The following COLGALT2 variants were observed in gnomAD, a reference collection of about 807,000 sequenced individuals.
The protein encoded by COLGALT2 is collagen beta(1-O)galactosyltransferase 2.
A neutral mutation model predicts 73.4 loss-of-function variants in COLGALT2; 49 were observed. The ratio of observed to expected loss-of-function variants is 0.67; its 90% CI spans 0.53 to 0.85. The LOEUF (loss-of-function observed/expected upper bound fraction) is 0.85. Ranked by LOEUF, COLGALT2 falls within the 40% of genes least tolerant of loss-of-function variation. The pLI, the probability that COLGALT2 is intolerant of heterozygous loss-of-function variation, is 0.00. For synonymous variants in COLGALT2, 295 were observed against 307.6 expected (o/e 0.96, Z 0.43); for missense variants, 722 against 790.2 (o/e 0.91, Z 1.03).
chr1:184,024,698 C>G (rs1350479578), intron 1 of COLGALT2, among the ~76,000 whole-genome samples: 1 of 146,190 alleles, frequency 6.8e-6, no homozygotes, highest in African/African-American at 2.5e-5. Context: ...AAATTAGGCT[C>G]CGTTCTCTAA....
chr1:183,930,027 T>TA (rs1669806162), exon 12 of COLGALT2: 1 of 309,516 alleles, frequency 3.2e-6, no homozygotes, highest in Non-Finnish European at 6.5e-6. Context: ...ATAAAGAGAG[T>TA]AAAGAGAACT....
At chr1:184,013,896 T>A (rs535724188) in intron 1 of COLGALT2, among the ~76,000 whole-genome samples, 69 of 152,172 alleles carry the variant, frequency 4.5e-4, no homozygotes, top group African/African-American at 1.6e-3. Flanking sequence ...ATTAATAACT[T>A]GATATGGATG....
At chr1:184,023,157 A>T (rs1277468056) in intron 1 of COLGALT2, among the ~76,000 whole-genome samples, 1 of 152,218 alleles carries the variant, frequency 6.6e-6, no homozygotes, top group African/African-American at 2.4e-5. Flanking sequence ...CTTGAAAAAG[A>T]AAGTTTTTGC....
chr1:183,971,572 G>A (rs1468901715), intron 4 of COLGALT2, among the ~76,000 whole-genome samples: 1 of 152,116 alleles, frequency 6.6e-6, no homozygotes, highest in East Asian at 1.9e-4. Flanking sequence ...CCAATATAAT[G>A]TTTTCTCCCA....
At chr1:184,035,036 G>C (rs899188303) in intron 1 of COLGALT2, among the ~76,000 whole-genome samples, 2 of 152,188 alleles carry the variant, frequency 1.3e-5, no homozygotes, top group Non-Finnish European at 2.9e-5. Context: ...TTCAATGACT[G>C]ACGCAAGCAT....
chr1:183,985,910 T>C (rs1269256389), intron 1 of COLGALT2, among the ~76,000 whole-genome samples: 2 of 152,224 alleles, frequency 1.3e-5, no homozygotes, highest in Admixed American at 1.3e-4. Flanking sequence ...CAGATGCTTC[T>C]TGTTTTCATT....
In COLGALT2 at chr1:183,975,174, A is replaced by C. The variant is rs926404987; in HGVS notation, c.415T>G (p.Ser139Ala). The change falls in exon 3 of 12, where the codon TCC becomes GCC. Residue 139 changes from serine (S) to alanine (A), a missense_variant. Coordinates refer to ENST00000361927, the MANE Select transcript of COLGALT2 (RefSeq NM_015101.4). ...AGTTTCATCACATGGGCAAACCGGG[A>C]GGTTGGCCAGTGCTTTGGTCCAATT... ...DEIGPKHWPT[S>A]RFAHVMKLRQ... 6.2e-7 allele frequency: 1 copy of C among 1,613,938 alleles called. No homozygotes were observed. The highest frequency in any genetic ancestry group is 1.3e-5 in the African/African-American group (1 of 74,914).
chr1:184,035,590 T>C (rs545397434), intron 1 of COLGALT2, among the ~76,000 whole-genome samples: 7 of 152,300 alleles, frequency 4.6e-5, no homozygotes, highest in Admixed American at 2.0e-4. Flanking sequence ...TGTCTCTAAA[T>C]CAGGTAGCAA....
At chr1:183,989,540 C>T (rs1671576545) in intron 1 of COLGALT2, among the ~76,000 whole-genome samples, 1 of 152,138 alleles carries the variant, frequency 6.6e-6, no homozygotes, top group Non-Finnish European at 1.5e-5. Flanking sequence ...AAAGTGGTCT[C>T]TTGGATTGAG....
intron 1 of COLGALT2, among the ~76,000 whole-genome samples, chr1:183,993,349 T>G (rs1671682592): frequency 6.6e-6 from 1 of 152,202 alleles, no homozygotes; most frequent in Non-Finnish European, 1.5e-5. Context: ...CCAGGAAATA[T>G]CTGGCCAGGA....
In COLGALT2 at chr1:183,935,998, C is replaced by CA. The variant is rs1558305205; in HGVS notation, c.*2762_*2763insT. 1.0e-6 allele frequency: 1 copy of CA among 985,256 alleles called. No individual in the cohort carries two copies. Among genetic ancestry groups the CA allele is most frequent in the Non-Finnish European group, 1.2e-6 (1 of 829,946 alleles). The allele number at this position is 985,256 out of a possible 1,614,324, so 61.0% of individuals were successfully genotyped here. A position where few individuals can be genotyped will look rare whatever the true frequency, so the allele number is the denominator to read the frequency against. On this transcript the variant is annotated 3_prime_UTR_variant, in exon 12 of 12. Transcript: ENST00000361927. The stretch of plus-strand genomic sequence containing the variant: ...GCAGCAGGCCTGAATGAACCGCAAG[C>CA]GGGGCCCATGCAGCGTGTCCTCTGC...
chr1:183,976,570 G>A (rs1671197231), intron 2 of COLGALT2, among the ~76,000 whole-genome samples: 1 of 151,840 alleles, frequency 6.6e-6, no homozygotes, highest in Non-Finnish European at 1.5e-5. Context: ...GTAGCTTTGG[G>A]AACATTTATA....
At position 183,939,043 on chromosome 1, in the gene COLGALT2, A is replaced by T. The variant is rs377593233; in HGVS notation, c.1605-6T>A. ...AATACTCCTTGTACTCGGCTCTGAAAACAAGAAGGTGGCCGGACACATGAG... is the reference window on the plus strand; with the variant it reads ...AATACTCCTTGTACTCGGCTCTGAATACAAGAAGGTGGCCGGACACATGAG... On this transcript the variant is annotated splice_region_variant and splice_polypyrimidine_tract_variant and intron_variant, in intron 11 of 11. Coordinates refer to ENST00000361927, the MANE Select transcript of COLGALT2 (RefSeq NM_015101.4). The T allele has an allele frequency of 3.7e-6, 6 of 1,605,866 alleles. No individual in the cohort carries two copies. In the African/African-American group the frequency reaches 5.4e-5, roughly 14 times the overall value.
At position 183,965,874 on chromosome 1, in the gene COLGALT2, T is replaced by C. The variant is rs750936499; in HGVS notation, c.833-1854A>G. 3.8e-4 allele frequency among the ~76,000 whole-genome samples: 58 copies of C among 152,188 alleles called. 1 individual carries two copies. The highest frequency in any genetic ancestry group is 7.6e-4 in the Non-Finnish European group (52 of 68,038). ...ATGATTACAACAAGAACACTGACCA[T>C]CAATCTGTTTGAAATTACAATGGGA... is the stretch of plus-strand genomic sequence containing the variant. On this transcript the variant is annotated intron_variant, in intron 5 of 11. Coordinates refer to ENST00000361927, the MANE Select transcript of COLGALT2 (RefSeq NM_015101.4).
chr1:183,930,310 G>T (rs1439415558), intron 11 of COLGALT2: 1 of 456,224 alleles, frequency 2.2e-6, no homozygotes, highest in Non-Finnish European at 4.4e-6. Flanking sequence ...CAGAGGAAGA[G>T]TTGAAGAAAG....
intron 1 of COLGALT2, among the ~76,000 whole-genome samples, chr1:183,994,093 C>T (rs1671706524): frequency 8.3e-6 from 1 of 120,510 alleles, no homozygotes; most frequent in African/African-American, 3.3e-5. Context: ...GGCTGGAGTG[C>T]AGTGGTGTGA....
rs958827489 is a variant in COLGALT2 at position 184,037,438 on chromosome 1, G to A, written c.-81C>T. 6.4e-6 allele frequency: 8 copies of A among 1,249,268 alleles called. No homozygotes were observed. Among genetic ancestry groups the A allele is most frequent in the Non-Finnish European group, 8.0e-6 (8 of 1,000,078 alleles). The allele number at this position is 1,249,268 out of a possible 1,614,324, so 77.4% of individuals were successfully genotyped here. A position where few individuals can be genotyped will look rare whatever the true frequency, so the allele number is the denominator to read the frequency against. On this transcript the variant is annotated 5_prime_UTR_variant, in exon 1 of 12. Transcript: ENST00000361927. ...GCCTGAGGGCGGCGGCGGCTGCCGG[G>A]GAGCAAGGGGCTGCGAGGGGCGGCC...
chr1:184,031,237 G>A (rs1484200177), intron 1 of COLGALT2, among the ~76,000 whole-genome samples: 1 of 152,112 alleles, frequency 6.6e-6, no homozygotes, highest in East Asian at 1.9e-4. Context: ...TAGCCAATAC[G>A]TGTATGATTA....
At chr1:183,999,002 T>A in intron 1 of COLGALT2, among the ~76,000 whole-genome samples, 1 of 152,116 alleles carries the variant, frequency 6.6e-6, no homozygotes, top group East Asian at 1.9e-4. Flanking sequence ...TACATAATGA[T>A]TGCTTTACTT....
Sources: gnomAD v4.1 joint callset for allele counts (sites outside exome capture counted in the v4.1 genomes callset) on GRCh38, gnomAD v4.1.1 for gene constraint, MANE v1.5 for transcripts, NCBI Gene and HGNC (gene_info 2026-07-23, HGNC 2026-07-21) for gene names.